Variants in C12orf42 observed in about 807,000 individuals in gnomAD.
The protein encoded by C12orf42 is uncharacterized protein C12orf42.
Under a neutral mutation model 21.6 loss-of-function variants are expected in C12orf42, and 25 were observed. The ratio of observed to expected loss-of-function variants is 1.16; its 90% CI spans 0.84 to 1.62. The LOEUF (loss-of-function observed/expected upper bound fraction) is 1.62. Ranked by LOEUF, C12orf42 falls within the 40% of genes most tolerant of loss-of-function variation. The pLI is 0.00. For missense variants in C12orf42, 483 were observed against 459.3 expected, an observed-to-expected ratio of 1.05 and a Z score of -0.47; for synonymous variants, 174 against 175.0, an observed-to-expected ratio of 0.99 and a Z score of 0.05.
At chr12:103,554,014 G>T in the C12orf42 span, among the ~76,000 whole-genome samples, 1 of 152,270 alleles carries the variant, frequency 6.6e-6, no homozygotes, top group East Asian at 1.9e-4. Context: ...TGAGAAGTGG[G>T]TTAAAGCAAG....
intron 10 of C12orf42, among the ~76,000 whole-genome samples, chr12:103,259,693 G>A (rs908574163): frequency 2.6e-5 from 4 of 152,048 alleles, no homozygotes; most frequent in Admixed American, 6.6e-5. Flanking sequence ...TGTCAATGTC[G>A]GTGTTGCCTT....
At chr12:103,553,907 T>C in the C12orf42 span, among the ~76,000 whole-genome samples, 1 of 152,210 alleles carries the variant, frequency 6.6e-6, no homozygotes, top group Non-Finnish European at 1.5e-5. Flanking sequence ...TATCCACTGC[T>C]CTTTCCTTTG....
chr12:103,484,160 C>T (rs542400477), intron 1 of C12orf42, among the ~76,000 whole-genome samples: 12 of 152,164 alleles, frequency 7.9e-5, no homozygotes, highest in Non-Finnish European at 1.6e-4. Context: ...GATTTATAAT[C>T]GTTTGTGTAT....
the C12orf42 span, among the ~76,000 whole-genome samples, chr12:103,184,986 C>A: frequency 0.036 from 5,415 of 152,006 alleles, 111 homozygotes; most frequent in Admixed American, 0.054. Context: ...CCCACTAACA[C>A]CTTGATCTTA....
chr12:103,523,242 T>G, the C12orf42 span, among the ~76,000 whole-genome samples: 3 of 152,194 alleles, frequency 2.0e-5, no homozygotes, highest in African/African-American at 7.2e-5. Context: ...GTTTATATAA[T>G]CACTGTACCT....
chr12:103,262,346 A>G (rs1348822347), intron 10 of C12orf42: 2 of 152,228 alleles, frequency 1.3e-5, no homozygotes, highest in Non-Finnish European at 2.9e-5. Flanking sequence ...TGCAGTTTCA[A>G]AGGATGTGTA....
At chr12:103,109,847 T>G in the C12orf42 span, among the ~76,000 whole-genome samples, 2 of 152,166 alleles carry the variant, frequency 1.3e-5, no homozygotes, top group Admixed American at 1.3e-4. Context: ...GTTAATTAAG[T>G]AACAAACAAT....
chr12:103,431,363 G>T (rs996628385), intron 2 of C12orf42: 1 of 152,066 alleles, frequency 6.6e-6, no homozygotes, highest in Non-Finnish European at 1.5e-5. Flanking sequence ...TATTATTTCC[G>T]CAAAGCCACA....
chr12:103,476,203 A>C (rs1049563501), intron 2 of C12orf42, among the ~76,000 whole-genome samples: 10 of 152,208 alleles, frequency 6.6e-5, no homozygotes, highest in African/African-American at 2.4e-4. Context: ...TTCACTAGCT[A>C]TTTACAAGGT....
At chr12:103,198,072 C>T in the C12orf42 span, among the ~76,000 whole-genome samples, 28 of 152,304 alleles carry the variant, frequency 1.8e-4, no homozygotes, top group African/African-American at 6.5e-4. Flanking sequence ...AGAGTAGCAG[C>T]ACCTGTGCAC....
At chr12:103,195,284 A>G in the C12orf42 span, among the ~76,000 whole-genome samples, 5 of 152,152 alleles carry the variant, frequency 3.3e-5, no homozygotes, top group Non-Finnish European at 5.9e-5. Context: ...TGGTAGAATG[A>G]TATCTATTCC....
rs565635568 is a variant in C12orf42 at position 103,374,612 on chromosome 12, G to T, written c.148-5614C>A. The stretch of plus-strand genomic sequence containing the variant: ...GAAGTTTATTTCACTCTAGGTCAGG[G>T]GTGTCCAATCTTGGGCCACACACAA... On this transcript the variant is annotated intron_variant, in intron 3 of 5. Coordinates refer to ENST00000548883, the MANE Select transcript of C12orf42 (RefSeq NM_198521.5). Among the ~76,000 whole-genome samples, 3 of 151,934 alleles carry T rather than the reference G, an allele frequency of 2.0e-5. No individual in the cohort carries two copies. In the East Asian group the frequency reaches 5.8e-4, roughly 29 times the overall value.
the C12orf42 span, among the ~76,000 whole-genome samples, chr12:103,544,471 G>T: frequency 2.0e-5 from 3 of 152,130 alleles, no homozygotes; most frequent in African/African-American, 7.2e-5. Flanking sequence ...TGACTATGAC[G>T]TTTCCAGGTG....
the C12orf42 span, among the ~76,000 whole-genome samples, chr12:103,066,704 T>C: frequency 5.2e-3 from 799 of 152,348 alleles, 4 homozygotes; most frequent in African/African-American, 0.017. Context: ...TTTGGCCTGA[T>C]GGTCAGAAAC....
chr12:103,448,796 G>T (rs1311443041), intron 2 of C12orf42, among the ~76,000 whole-genome samples: 1 of 151,838 alleles, frequency 6.6e-6, no homozygotes, highest in African/African-American at 2.4e-5. Context: ...ATAGATGTTG[G>T]TGTGGATGTG....
the C12orf42 span, among the ~76,000 whole-genome samples, chr12:103,176,252 A>C: frequency 6.6e-6 from 1 of 152,100 alleles, no homozygotes; most frequent in African/African-American, 2.4e-5. Flanking sequence ...TCAAACATAC[A>C]TCGTATAAAA....
In C12orf42 at chr12:103,353,117, A is replaced by G. The variant is rs147023432; in HGVS notation, c.259+15770T>C. Among the ~76,000 whole-genome samples, 81 of 152,250 alleles carry G rather than the reference A, an allele frequency of 5.3e-4. 1 individual carries two copies. Among genetic ancestry groups the G allele is most frequent in the African/African-American group, 1.7e-3 (71 of 41,568 alleles). ...CTTTTCACTCATAGCAAAACTACAC[A>G]AAATGTAGAGTCCAAAAGACACCTT... is the stretch of plus-strand genomic sequence containing the variant. On this transcript the variant is annotated intron_variant, in intron 4 of 5. Coordinates refer to ENST00000548883, the MANE Select transcript of C12orf42 (RefSeq NM_198521.5).
chr12:103,157,292 T>C, the C12orf42 span, among the ~76,000 whole-genome samples: 1 of 152,224 alleles, frequency 6.6e-6, no homozygotes. Context: ...CGTCTGTTCA[T>C]ATCCTTTGTC....
At chr12:103,400,976 C>A (rs1341983454) in intron 3 of C12orf42, among the ~76,000 whole-genome samples, 1 of 151,868 alleles carries the variant, frequency 6.6e-6, no homozygotes, top group Non-Finnish European at 1.5e-5. Context: ...TCTTTTTATC[C>A]CAATCCTGCT....
Sources: gnomAD v4.1 joint callset for allele counts (sites outside exome capture counted in the v4.1 genomes callset) on GRCh38, gnomAD v4.1.1 for gene constraint, MANE v1.5 for transcripts, NCBI Gene and HGNC (gene_info 2026-07-23, HGNC 2026-07-21) for gene names.